SLCO4C1: variants seen among roughly 807,000 people sequenced by gnomAD.
The protein encoded by SLCO4C1 is organic anion transporter M1.
SLCO4C1 carries 58 observed loss-of-function variants against 72.1 expected under a neutral mutation model. The ratio of observed to expected loss-of-function variants is 0.80; its 90% CI spans 0.65 to 1.00. The LOEUF (loss-of-function observed/expected upper bound fraction) is 1.00, where lower values mean the gene tolerates loss of function less well. Among genes scored for constraint, SLCO4C1 ranks in the 50% least tolerant of loss-of-function variants. The pLI is 0.00. For synonymous variants in SLCO4C1, 297 were observed against 312.5 expected, an observed-to-expected ratio of 0.95 and a Z score of 0.52; for missense variants, 898 against 857.9, an observed-to-expected ratio of 1.05 and a Z score of -0.58.
chr5:102,249,823 T>C, intron 8 of SLCO4C1, 35 bp from the exon 9 acceptor site: 3 of 1,597,774 alleles, frequency 1.9e-6, no homozygotes. Flanking sequence ...GTAAATGATC[T>C]GTCATAACTT....
In SLCO4C1 at chr5:102,257,111, T is replaced by G; in HGVS notation, c.1469+4A>C. The G allele has an allele frequency of 6.4e-7, 1 of 1,553,452 alleles. No individual in the cohort carries two copies. ...AATATCAAAAAGCACTGAATTGTAT[T>G]TACCCATTATATGATTCAGATACAC... On this transcript the variant is annotated splice_donor_region_variant and intron_variant, in intron 8 of 12. Transcript: ENST00000310954.
rs768958657 is a variant in SLCO4C1, at chr5:102,249,761, G to A, written c.1497C>T (p.Ala499=). The A allele has an allele frequency of 6.2e-7, 1 of 1,613,656 alleles. No homozygotes were observed. The highest frequency in any genetic ancestry group is 1.1e-5 in the South Asian group (1 of 91,028). The change falls in exon 9 of 13, where the codon GCC becomes GCT. Residue 499 remains alanine, a synonymous_variant. Coordinates refer to ENST00000310954, the MANE Select transcript of SLCO4C1 (RefSeq NM_180991.5). ...AACAGTTACAATTGGCATTACAAGG[G>A]GCTATCAAGTTTCCCAATTCTCCAG... ...NGTGELGNLI[A]PCNANCNCSR...
intron 3 of SLCO4C1, among the ~76,000 whole-genome samples, chr5:102,268,517 G>A (rs1273606366): frequency 1.3e-5 from 2 of 151,914 alleles, no homozygotes; most frequent in Non-Finnish European, 2.9e-5. Context: ...TTTCTTCTAG[G>A]CAGCATATGG....
At chr5:102,261,197 G>A (rs1170606963) in intron 5 of SLCO4C1, among the ~76,000 whole-genome samples, 3 of 152,152 alleles carry the variant, frequency 2.0e-5, no homozygotes, top group Non-Finnish European at 2.9e-5. Flanking sequence ...CAGATCACCT[G>A]AGGTCAGGAG....
In SLCO4C1 at chr5:102,236,605, C is replaced by CGTGT. The variant is rs3995237; in HGVS notation, c.*249_*252dup. 1,556 of 286,770 alleles carry CGTGT rather than the reference C, an allele frequency of 5.4e-3. 24 individuals carry two copies. The highest frequency in any genetic ancestry group is 0.037 in the African/African-American group (1,455 of 39,124). The allele number at this position is 286,770 out of a possible 1,614,324, so 17.8% of individuals were successfully genotyped here. A position where few individuals can be genotyped will look rare whatever the true frequency, so the allele number is the denominator to read the frequency against. Reference sequence around the variant, plus strand: ...GCGTGTGTGTGTGTGTGTGTGTGTTCGTGTGTGTGTGTGTGTGTGTGCTCG... The same window carrying CGTGT: ...GCGTGTGTGTGTGTGTGTGTGTGTTCGTGTGTGTGTGTGTGTGTGTGTGTGCTCG... On this transcript the variant is annotated 3_prime_UTR_variant, in exon 13 of 13. Coordinates refer to ENST00000310954, the MANE Select transcript of SLCO4C1 (RefSeq NM_180991.5).
In SLCO4C1 at chr5:102,263,764, C is replaced by T; in HGVS notation, c.819G>A (p.Met273Ile). ...SSLYIGTGYA[M>I]SILGPAIGYV... The stretch of plus-strand genomic sequence containing the variant: ...AGCCAATAGCAGGGCCTAAGATTGA[C>T]ATAGCATAACCGGTTCCTAGAAGAA... Residue 273 changes from methionine (M) to isoleucine (I), a missense_variant, in exon 4 of 13, where the codon ATG becomes ATA. Coordinates refer to ENST00000310954, the MANE Select transcript of SLCO4C1 (RefSeq NM_180991.5). The T allele has an allele frequency of 6.2e-7, 1 of 1,612,486 alleles. No homozygotes were observed. The highest frequency in any genetic ancestry group is 1.1e-5 in the South Asian group (1 of 91,012).
Position 102,235,833 on chromosome 5 carries a change from G to A in SLCO4C1, c.*1025C>T, listed in dbSNP as rs1456054355. On this transcript the variant is annotated 3_prime_UTR_variant, in exon 13 of 13. Coordinates refer to ENST00000310954, the MANE Select transcript of SLCO4C1 (RefSeq NM_180991.5). ...TACCTTCTTCCCCCATGGAAAAATT[G>A]TCTTCCACAAAAATGGTCCCTGATG... is the stretch of plus-strand genomic sequence containing the variant. The A allele has an allele frequency of 6.6e-6, 1 of 152,188 alleles. No homozygotes were observed. Among genetic ancestry groups the A allele is most frequent in the Non-Finnish European group, 1.5e-5 (1 of 68,034 alleles). The allele number at this position is 152,188 out of a possible 1,614,324, so 9.4% of individuals were successfully genotyped here. A position where few individuals can be genotyped will look rare whatever the true frequency, so the allele number is the denominator to read the frequency against.
chr5:102,291,235 G>T, intron 2 of SLCO4C1, 108 bp downstream of exon 2: 2 of 1,153,842 alleles, frequency 1.7e-6, no homozygotes, highest in Non-Finnish European at 2.5e-6. Flanking sequence ...GTGTGGAAGA[G>T]ATGTAAACCC....
chr5:102,244,515 G>A (rs1021710832), intron 10 of SLCO4C1, among the ~76,000 whole-genome samples: 1 of 152,062 alleles, frequency 6.6e-6, no homozygotes, highest in African/African-American at 2.4e-5. Context: ...CCTAGAGAAA[G>A]ATATCAATAT....
intron 2 of SLCO4C1, among the ~76,000 whole-genome samples, chr5:102,288,154 C>G (rs1749490884): frequency 6.6e-6 from 1 of 152,146 alleles, no homozygotes; most frequent in Non-Finnish European, 1.5e-5. Flanking sequence ...ATTTGCACTT[C>G]TAGGAATCAA....
intron 3 of SLCO4C1, among the ~76,000 whole-genome samples, chr5:102,263,989 T>C (rs1748988982): frequency 6.6e-6 from 1 of 152,156 alleles, no homozygotes; most frequent in Non-Finnish European, 1.5e-5. Flanking sequence ...CTATTTGTAG[T>C]AATACTTAGA....
intron 1 of SLCO4C1, among the ~76,000 whole-genome samples, chr5:102,292,994 T>C (rs1749583700): frequency 6.6e-6 from 1 of 152,102 alleles, no homozygotes; most frequent in Non-Finnish European, 1.5e-5. Flanking sequence ...AATACCAGAA[T>C]GAGTATATAC....
intron 3 of SLCO4C1, among the ~76,000 whole-genome samples, chr5:102,266,957 C>G (rs984006237): frequency 6.6e-6 from 1 of 152,078 alleles, no homozygotes; most frequent in Non-Finnish European, 1.5e-5. Context: ...CAAACTAATT[C>G]TTGCATCACT....
intron 2 of SLCO4C1, among the ~76,000 whole-genome samples, chr5:102,289,781 T>C (rs1203861283): frequency 6.6e-6 from 1 of 152,200 alleles, no homozygotes; most frequent in Non-Finnish European, 1.5e-5. Flanking sequence ...TCTCCTTATC[T>C]TATTCATTCC....
intron 1 of SLCO4C1, among the ~76,000 whole-genome samples, chr5:102,295,472 T>G (rs533884937): frequency 1.3e-5 from 2 of 152,302 alleles, no homozygotes; most frequent in Admixed American, 6.5e-5. Context: ...CACTCCCACC[T>G]GCAAACGTAT....
chr5:102,269,414 G>A (rs76185247), intron 3 of SLCO4C1, among the ~76,000 whole-genome samples: 7,920 of 151,764 alleles, frequency 0.052, 645 homozygotes, highest in African/African-American at 0.17. Context: ...ACCGCTCTTC[G>A]TGGTCAGAAA....
intron 6 of SLCO4C1, 120 bp downstream of exon 6, chr5:102,260,093 T>C (rs950790527): frequency 7.9e-6 from 2 of 253,712 alleles, no homozygotes; most frequent in African/African-American, 2.3e-5. Flanking sequence ...TATTTGTATA[T>C]ATATATGTGT....
At chr5:102,267,281 T>A (rs1444677863) in intron 3 of SLCO4C1, among the ~76,000 whole-genome samples, 3 of 152,168 alleles carry the variant, frequency 2.0e-5, no homozygotes, top group Admixed American at 1.3e-4. Flanking sequence ...GGAGACTTTT[T>A]ATTATTGATT....
At chr5:102,257,411 A>G (rs965517398) in intron 7 of SLCO4C1, 101 bp from the exon 8 acceptor site, 1 of 897,380 alleles carries the variant, frequency 1.1e-6, no homozygotes, top group East Asian at 2.9e-5. Flanking sequence ...TATGGTTTTA[A>G]CTTATATTTA....
Sources: allele counts gnomAD v4.1 joint callset (sites outside exome capture counted in the v4.1 genomes callset), GRCh38; gene constraint gnomAD v4.1.1; transcripts MANE v1.5; gene names NCBI Gene and HGNC (gene_info 2026-07-23, HGNC 2026-07-21).